MEIKIN: variants seen among roughly 807,000 people sequenced by gnomAD.
MEIKIN encodes meiotic kinetochore factor.
intron 9 of MEIKIN, among the ~76,000 whole-genome samples, chr5:131,872,596 T>G (rs1750526182): frequency 6.6e-6 from 1 of 152,174 alleles, no homozygotes; most frequent in Non-Finnish European, 1.5e-5. Context: ...CCAGGAGAAC[T>G]TCCCCAATCT....
intron 7 of MEIKIN, among the ~76,000 whole-genome samples, chr5:131,914,769 G>A (rs145928194): frequency 6.5e-4 from 99 of 152,144 alleles, no homozygotes; most frequent in African/African-American, 2.3e-3. Flanking sequence ...TTCCAGTCTA[G>A]AGCATTATTA....
intron 4 of MEIKIN, among the ~76,000 whole-genome samples, chr5:131,937,847 G>T (rs1055534360): frequency 2.0e-5 from 3 of 151,812 alleles, no homozygotes; most frequent in Non-Finnish European, 2.9e-5. Context: ...ATATAATGTT[G>T]TAACTTGGTG....
At chr5:131,811,378 C>T (rs910402971) in intron 12 of MEIKIN, among the ~76,000 whole-genome samples, 10 of 149,730 alleles carry the variant, frequency 6.7e-5, no homozygotes, top group Admixed American at 4.7e-4. Flanking sequence ...ATTTTTGAGA[C>T]GGAGTCTCAC....
At chr5:131,882,340 A>G (rs970240956) in intron 8 of MEIKIN, among the ~76,000 whole-genome samples, 1 of 152,210 alleles carries the variant, frequency 6.6e-6, no homozygotes, top group African/African-American at 2.4e-5. Flanking sequence ...AGGACCACAG[A>G]TGCACTGGAC....
At chr5:131,929,882 G>T (rs1178016327) in intron 5 of MEIKIN, among the ~76,000 whole-genome samples, 2 of 152,160 alleles carry the variant, frequency 1.3e-5, no homozygotes, top group African/African-American at 4.8e-5. Flanking sequence ...TTATTTCTGT[G>T]TAGTATTCCA....
intron 6 of MEIKIN, among the ~76,000 whole-genome samples, chr5:131,917,178 G>GT (rs1751426796): frequency 6.6e-6 from 1 of 152,022 alleles, no homozygotes; most frequent in Admixed American, 6.5e-5. Flanking sequence ...CTTTTCACGT[G>GT]TATTATCTTA....
chr5:131,934,885 A>G (rs968642000), intron 4 of MEIKIN, among the ~76,000 whole-genome samples: 2 of 151,872 alleles, frequency 1.3e-5, no homozygotes, highest in Non-Finnish European at 1.5e-5. Context: ...GTGAAACCCC[A>G]TCTCTACTAA....
At chr5:131,843,480 A>G (rs1749955694) in intron 11 of MEIKIN, among the ~76,000 whole-genome samples, 2 of 152,254 alleles carry the variant, frequency 1.3e-5, no homozygotes, top group South Asian at 4.1e-4. Flanking sequence ...ATAGGCTGTT[A>G]GAAGAAGCCA....
rs558848681 is a variant in MEIKIN at position 131,816,432 on chromosome 5, G to A, written c.1099+2308C>T. 3.9e-5 allele frequency among the ~76,000 whole-genome samples: 6 copies of A among 152,308 alleles called. No individual in the cohort carries two copies. In the East Asian group the frequency reaches 9.6e-4, roughly 24 times the overall value. On this transcript the variant is annotated intron_variant, in intron 12 of 12. Coordinates refer to ENST00000442687, the MANE Select transcript of MEIKIN (RefSeq NM_001303622.2). Reference sequence around the variant, plus strand: ...CATTCAATCAGTTGAAAGGCCTTAAGAGCAAAACTGAAGTTTATCTGAACA... The same window carrying A: ...CATTCAATCAGTTGAAAGGCCTTAAAAGCAAAACTGAAGTTTATCTGAACA...
intron 9 of MEIKIN, among the ~76,000 whole-genome samples, chr5:131,857,938 C>T (rs984003390): frequency 6.6e-5 from 10 of 152,208 alleles, no homozygotes; most frequent in East Asian, 5.8e-4. Flanking sequence ...GCCTCACTCC[C>T]GCCAGCAACT....
chr5:131,868,655 C>T (rs1053150596), intron 9 of MEIKIN, among the ~76,000 whole-genome samples: 1 of 150,762 alleles, frequency 6.6e-6, no homozygotes, highest in African/African-American at 2.4e-5. Flanking sequence ...TCACTGCAGC[C>T]TTAACCTCCC....
At chr5:131,824,608 G>C (rs2149604429) in intron 11 of MEIKIN, among the ~76,000 whole-genome samples, 1 of 152,228 alleles carries the variant, frequency 6.6e-6, no homozygotes, top group East Asian at 1.9e-4. Context: ...AAATGAAAAA[G>C]TTTTTGAAAT....
At chr5:131,926,269 A>G (rs1165325931) in intron 5 of MEIKIN, among the ~76,000 whole-genome samples, 1 of 152,072 alleles carries the variant, frequency 6.6e-6, no homozygotes, top group African/African-American at 2.4e-5. Flanking sequence ...TTGTCAAATC[A>G]TTTTGCTGCA....
At chr5:131,823,110 T>C (rs1017578390) in intron 11 of MEIKIN, among the ~76,000 whole-genome samples, 1 of 152,138 alleles carries the variant, frequency 6.6e-6, no homozygotes, top group Non-Finnish European at 1.5e-5. Context: ...TTGCTGCTTT[T>C]AGGATCTTTT....
chr5:131,893,841 G>A (rs760306846), intron 8 of MEIKIN, among the ~76,000 whole-genome samples: 8 of 152,144 alleles, frequency 5.3e-5, no homozygotes, highest in Non-Finnish European at 8.8e-5. Context: ...TGTTCACTCT[G>A]ATGGTAGTTT....
chr5:131,887,362 G>GGGACC (rs1443746291), intron 8 of MEIKIN, among the ~76,000 whole-genome samples: 1 of 152,120 alleles, frequency 6.6e-6, no homozygotes, highest in Non-Finnish European at 1.5e-5. Flanking sequence ...ACCCAGTAAG[G>GGGACC]GGACCACTGG....
intron 11 of MEIKIN, among the ~76,000 whole-genome samples, chr5:131,838,533 C>T (rs1333003713): frequency 2.6e-5 from 4 of 151,388 alleles, no homozygotes; most frequent in Non-Finnish European, 5.9e-5. Context: ...AATCATTATT[C>T]ATCTGTTCAG....
At chr5:131,897,003 T>G (rs769443492) in intron 8 of MEIKIN, among the ~76,000 whole-genome samples, 4 of 152,246 alleles carry the variant, frequency 2.6e-5, no homozygotes, top group Admixed American at 6.5e-5. Context: ...TCTGGCATGT[T>G]TTTGCAGTGG....
chr5:131,842,605 T>C (rs1174016461), intron 11 of MEIKIN, among the ~76,000 whole-genome samples: 1 of 152,190 alleles, frequency 6.6e-6, no homozygotes, highest in East Asian at 1.9e-4. Context: ...GTTGATTTTT[T>C]TTTGCAATAG....
Sources: gnomAD v4.1 joint callset for allele counts (sites outside exome capture counted in the v4.1 genomes callset) on GRCh38, gnomAD v4.1.1 for gene constraint, MANE v1.5 for transcripts, NCBI Gene and HGNC (gene_info 2026-07-23, HGNC 2026-07-21) for gene names.